STPG2: variants seen among roughly 807,000 people sequenced by gnomAD.
STPG2 encodes sperm-tail PG-rich repeat-containing protein 2.
STPG2 carries 56 observed loss-of-function variants against 54.2 expected under a neutral mutation model. That is an observed-to-expected ratio of 1.03 (90% CI 0.83 to 1.29). The LOEUF (loss-of-function observed/expected upper bound fraction) is 1.29, where lower values mean the gene tolerates loss of function less well. Among genes scored for constraint, STPG2 ranks in the 50% most tolerant of loss-of-function variants. The probability of loss-of-function intolerance (pLI) is 0.00; values close to 1 mark genes in which losing one functional copy is unlikely to be tolerated. For missense variants in STPG2, 596 were observed against 544.9 expected (o/e 1.09, Z -0.93); for synonymous variants, 200 against 181.8 (o/e 1.10, Z -0.81).
intron 10 of STPG2, among the ~76,000 whole-genome samples, chr4:97,682,118 A>G (rs2148980081): frequency 6.6e-6 from 1 of 151,886 alleles, no homozygotes; most frequent in South Asian, 2.1e-4. Context: ...AAAAGCAGAA[A>G]GTTATATGCT....
At chr4:97,753,692 A>AT (rs1397819420) in intron 9 of STPG2, among the ~76,000 whole-genome samples, 1 of 151,964 alleles carries the variant, frequency 6.6e-6, no homozygotes, top group South Asian at 2.1e-4. Context: ...CTTATTTTCC[A>AT]TTTTTTGTAT....
At chr4:97,697,824 T>G (rs1840685) in intron 10 of STPG2, among the ~76,000 whole-genome samples, 89,542 of 152,026 alleles carry the variant, frequency 0.59, 26,697 homozygotes, top group South Asian at 0.68. Flanking sequence ...TTGCATGAGT[T>G]ATCTGTGCCT....
chr4:97,809,245 T>C (rs1727664245), intron 9 of STPG2, among the ~76,000 whole-genome samples: 1 of 152,084 alleles, frequency 6.6e-6, no homozygotes, highest in Non-Finnish European at 1.5e-5. Context: ...AAACACATTG[T>C]AAAAAGGAAG....
At chr4:97,564,075 A>T (rs1278896380) in intron 10 of STPG2, among the ~76,000 whole-genome samples, 5 of 152,118 alleles carry the variant, frequency 3.3e-5, no homozygotes, top group Non-Finnish European at 5.9e-5. Flanking sequence ...TCTAAGTCTC[A>T]TTGTAGGTCA....
intron 9 of STPG2, among the ~76,000 whole-genome samples, chr4:97,758,347 C>A (rs1208550945): frequency 1.3e-5 from 2 of 152,084 alleles, no homozygotes; most frequent in Non-Finnish European, 2.9e-5. Context: ...GCACTATTTA[C>A]AATAGCAAAG....
chr4:97,585,877 TA>T (rs954029994), intron 10 of STPG2, among the ~76,000 whole-genome samples: 4 of 150,578 alleles, frequency 2.7e-5, no homozygotes, highest in African/African-American at 7.3e-5. Flanking sequence ...TCTGCTAAAA[TA>T]AAAAAAAATT....
intron 3 of STPG2, among the ~76,000 whole-genome samples, chr4:98,115,529 T>C (rs759584322): frequency 6.6e-6 from 1 of 152,028 alleles, no homozygotes; most frequent in Non-Finnish European, 1.5e-5. Context: ...CAACTCTTAA[T>C]TCTGTATTTA....
intron 9 of STPG2, among the ~76,000 whole-genome samples, chr4:97,809,444 T>C (rs1727670539): frequency 6.6e-6 from 1 of 152,196 alleles, no homozygotes; most frequent in Non-Finnish European, 1.5e-5. Context: ...ATCAGTCCAT[T>C]TGACTTTAAA....
At chr4:97,521,358 A>G (rs1731177058) in intron 4 of STPG2, among the ~76,000 whole-genome samples, 1 of 152,068 alleles carries the variant, frequency 6.6e-6, no homozygotes, top group Non-Finnish European at 1.5e-5. Context: ...ATTGGAAACT[A>G]CTCATATTCT....
chr4:97,661,311 G>A (rs760338700), intron 10 of STPG2, among the ~76,000 whole-genome samples: 2 of 152,068 alleles, frequency 1.3e-5, no homozygotes, highest in Non-Finnish European at 2.9e-5. Flanking sequence ...ATACATTTGG[G>A]CAAGTTAATT....
rs540269457 is a variant in STPG2, at chr4:97,985,172, A to C, written c.613-3854T>G. On this transcript the variant is annotated intron_variant, in intron 5 of 10. Coordinates refer to ENST00000295268, the MANE Select transcript of STPG2 (RefSeq NM_174952.3). ...TCTGAAATTTATTATCCTAAATACTATCTTATTATTTTAGATGCTAAGTAT... is the reference window on the plus strand; with the variant it reads ...TCTGAAATTTATTATCCTAAATACTCTCTTATTATTTTAGATGCTAAGTAT... Among the ~76,000 whole-genome samples, 17 of 152,304 alleles carry C rather than the reference A, an allele frequency of 1.1e-4. No individual in the cohort carries two copies. The South Asian group carries it at 3.5e-3, about 32-fold the overall frequency.
intron 5 of STPG2, among the ~76,000 whole-genome samples, chr4:98,101,569 A>C (rs1181459547): frequency 6.6e-6 from 1 of 152,168 alleles, no homozygotes; most frequent in Non-Finnish European, 1.5e-5. Flanking sequence ...CTGGCCAGTC[A>C]TCAGAATCAC....
intron 5 of STPG2, among the ~76,000 whole-genome samples, chr4:98,043,687 T>A (rs1049702019): frequency 6.6e-6 from 1 of 152,166 alleles, no homozygotes; most frequent in African/African-American, 2.4e-5. Flanking sequence ...TTGTCTTTAA[T>A]ACTTTCATCT....
intron 8 of STPG2, among the ~76,000 whole-genome samples, chr4:97,912,588 C>A (rs1358198546): frequency 6.6e-6 from 1 of 152,042 alleles, no homozygotes; most frequent in Admixed American, 6.6e-5. Flanking sequence ...GATGACCTTT[C>A]TGAAATGAGA....
chr4:97,580,824 T>C (rs2148890726), intron 10 of STPG2, among the ~76,000 whole-genome samples: 1 of 152,198 alleles, frequency 6.6e-6, no homozygotes, highest in East Asian at 1.9e-4. Context: ...GTCTGATTCA[T>C]TATGTGAAAT....
chr4:97,719,735 G>A (rs910219142), intron 9 of STPG2, among the ~76,000 whole-genome samples: 2 of 151,852 alleles, frequency 1.3e-5, no homozygotes, highest in Admixed American at 6.6e-5. Context: ...AAGAAAGGAA[G>A]AATCAATTTA....
At chr4:97,642,371 A>G (rs916177917) in intron 10 of STPG2, among the ~76,000 whole-genome samples, 1 of 151,368 alleles carries the variant, frequency 6.6e-6, no homozygotes, top group African/African-American at 2.4e-5. Flanking sequence ...TGTGATAAAC[A>G]TTGACATATT....
At chr4:98,082,757 A>G (rs1273552771) in intron 5 of STPG2, among the ~76,000 whole-genome samples, 1 of 151,140 alleles carries the variant, frequency 6.6e-6, no homozygotes, top group Non-Finnish European at 1.5e-5. Flanking sequence ...CGGCTGGTCC[A>G]CTCTTAATAA....
intron 5 of STPG2, among the ~76,000 whole-genome samples, chr4:98,053,303 CT>C (rs1737382040): frequency 6.6e-6 from 1 of 152,084 alleles, no homozygotes; most frequent in South Asian, 2.1e-4. Flanking sequence ...TTTATGAGAA[CT>C]TAATGTAAAC....
Sources: allele counts gnomAD v4.1 joint callset (sites outside exome capture counted in the v4.1 genomes callset), GRCh38; gene constraint gnomAD v4.1.1; transcripts MANE v1.5; gene names NCBI Gene and HGNC (gene_info 2026-07-23, HGNC 2026-07-21).